XPO6: variants seen among roughly 807,000 people sequenced by gnomAD.
XPO6 encodes exportin-6.
In XPO6, 3 loss-of-function variants were observed where a neutral mutation model predicts 130.0. The ratio of observed to expected loss-of-function variants is 0.02; its 90% CI spans 0.01 to 0.06. The LOEUF is 0.06. Ranked by LOEUF, XPO6 falls within the 10% of genes least tolerant of loss-of-function variation. The pLI is 1.00. For missense variants in XPO6, 970 were observed against 1,393.0 expected, an observed-to-expected ratio of 0.70 and a Z score of 4.83; for synonymous variants, 524 against 548.9, an observed-to-expected ratio of 0.95 and a Z score of 0.63.
intron 1 of XPO6, among the ~76,000 whole-genome samples, chr16:28,203,690 AG>A (rs1345712225): frequency 6.6e-6 from 1 of 152,178 alleles, no homozygotes; most frequent in Non-Finnish European, 1.5e-5. Flanking sequence ...GCCAGGTTAC[AG>A]GCTTCCAAAA....
intron 17 of XPO6, among the ~76,000 whole-genome samples, chr16:28,107,914 G>T (rs2086822449): frequency 6.6e-6 from 1 of 152,138 alleles, no homozygotes; most frequent in Non-Finnish European, 1.5e-5. Flanking sequence ...TTGGGGAGAA[G>T]ATGCCTGCCT....
At chr16:28,158,502 T>C (rs1222344558) in intron 6 of XPO6, among the ~76,000 whole-genome samples, 2 of 152,268 alleles carry the variant, frequency 1.3e-5, no homozygotes, top group African/African-American at 4.8e-5. Context: ...TAAAGCATAT[T>C]ATCTGTTAAT....
intron 1 of XPO6, among the ~76,000 whole-genome samples, chr16:28,185,406 T>C (rs1200679462): frequency 6.6e-6 from 1 of 152,162 alleles, no homozygotes; most frequent in African/African-American, 2.4e-5. Flanking sequence ...AACTTATCTA[T>C]GGTGTTATAA....
chr16:28,149,159 G>A (rs77104514), intron 8 of XPO6, among the ~76,000 whole-genome samples: 3,298 of 151,988 alleles, frequency 0.022, 106 homozygotes, highest in African/African-American at 0.075. Context: ...CAGGAAGAAG[G>A]GGCAAAATGA....
chr16:28,170,103 C>T (rs763734242), intron 4 of XPO6, among the ~76,000 whole-genome samples, 194 bp from the exon 5 acceptor site: 12 of 152,036 alleles, frequency 7.9e-5, no homozygotes, highest in African/African-American at 1.9e-4. Flanking sequence ...GTGGCTGAGA[C>T]GGGCGGATCA....
At chr16:28,102,992 T>A (rs991803997) in intron 21 of XPO6, among the ~76,000 whole-genome samples, 1 of 152,150 alleles carries the variant, frequency 6.6e-6, no homozygotes, top group African/African-American at 2.4e-5. Context: ...TGATGACCAA[T>A]AGTTTCCACT....
At chr16:28,174,081 G>C (rs949501801) in intron 4 of XPO6, among the ~76,000 whole-genome samples, 6 of 152,068 alleles carry the variant, frequency 3.9e-5, no homozygotes, top group Non-Finnish European at 8.8e-5. Context: ...AGAGAGCCTT[G>C]GAGAGGGTTA....
chr16:28,120,487 C>A (rs1276097304), intron 14 of XPO6, among the ~76,000 whole-genome samples: 3 of 151,878 alleles, frequency 2.0e-5, no homozygotes, highest in Non-Finnish European at 4.4e-5. Flanking sequence ...GTTCTAAATA[C>A]CAAAATAAAG....
At chr16:28,107,391 G>A in intron 18 of XPO6, 131 bp downstream of exon 18, 1 of 1,102,648 alleles carries the variant, frequency 9.1e-7, no homozygotes. Flanking sequence ...TTTCCCCTCA[G>A]TACCGGGTTT....
At position 28,166,569 on chromosome 16, in the gene XPO6, G is replaced by C; in HGVS notation, c.582C>G (p.Val194=). 2 of 1,587,864 alleles carry C rather than the reference G, an allele frequency of 1.3e-6. No homozygotes were observed. The highest frequency in any genetic ancestry group is 1.7e-6 in the Non-Finnish European group (2 of 1,165,652). Residue 194 remains valine, a synonymous_variant, in exon 6 of 24, where the codon GTC becomes GTG. Transcript: ENST00000304658. ...CAGCAGTAACACTGTGTTTGTCCCA[G>C]ACAGTCTCCAAGATACCTACCAAGA... ...LGLLTGILET[V]WDKHSVTAAT...
chr16:28,160,521 T>C (rs1177444087), intron 6 of XPO6, among the ~76,000 whole-genome samples: 1 of 111,284 alleles, frequency 9.0e-6, no homozygotes, highest in Non-Finnish European at 1.8e-5. Context: ...AAAAAAAAAA[T>C]CAAGTAAAAC....
chr16:28,197,679 G>T (rs2043886736), intron 1 of XPO6, among the ~76,000 whole-genome samples: 1 of 151,842 alleles, frequency 6.6e-6, no homozygotes, highest in African/African-American at 2.4e-5. Flanking sequence ...CACTTTGCGA[G>T]GCCCGGGCAG....
In XPO6 at chr16:28,182,415, C is replaced by T. The variant is rs560069469; in HGVS notation, c.4-1384G>A. ...AACACACACAAGTGCACTCACTACA[C>T]AGAACACAGGGCCACGTTCCTCCCA... On this transcript the variant is annotated intron_variant, in intron 1 of 23. Coordinates refer to ENST00000304658, the MANE Select transcript of XPO6 (RefSeq NM_015171.4). 2.0e-5 allele frequency among the ~76,000 whole-genome samples: 3 copies of T among 152,298 alleles called. No homozygotes were observed. The South Asian group carries it at 6.2e-4, about 32-fold the overall frequency.
intron 17 of XPO6, among the ~76,000 whole-genome samples, chr16:28,109,545 G>A (rs1006603187): frequency 3.3e-5 from 5 of 152,198 alleles, no homozygotes; most frequent in East Asian, 3.9e-4. Flanking sequence ...GAGGAAATGC[G>A]AACACGAACA....
chr16:28,156,632 G>T lies in XPO6; in HGVS notation c.644-105C>A. 3 of 646,360 alleles carry T rather than the reference G, an allele frequency of 4.6e-6. No homozygotes were observed. In the East Asian group the frequency reaches 9.5e-5, roughly 20 times the overall value. 40.0% of individuals were successfully genotyped at this position (646,360 alleles called of 1,614,324 possible). On this transcript the variant is annotated intron_variant, in intron 6 of 23. Transcript: ENST00000304658. ...TATATATATATATGTATACATATAT[G>T]TATCAGTTTAGTTACCTATGAAATA... is the stretch of plus-strand genomic sequence containing the variant.
intron 1 of XPO6, 105 bp downstream of exon 1, chr16:28,211,261 T>A: frequency 1.6e-6 from 2 of 1,216,258 alleles, no homozygotes; most frequent in Non-Finnish European, 2.1e-6. Flanking sequence ...CGCACGCGCC[T>A]CTCCCCGCCA....
At chr16:28,183,968 AC>A (rs2043656017) in intron 1 of XPO6, among the ~76,000 whole-genome samples, 1 of 152,244 alleles carries the variant, frequency 6.6e-6, no homozygotes, top group Non-Finnish European at 1.5e-5. Flanking sequence ...GTTCAAGGAT[AC>A]TGGAGAATTC....
chr16:28,138,001 C>T (rs932923540), intron 9 of XPO6, among the ~76,000 whole-genome samples: 103 of 152,254 alleles, frequency 6.8e-4, no homozygotes, highest in African/African-American at 2.2e-3. Flanking sequence ...CCAGCAATGA[C>T]TCCCCAACTG....
intron 6 of XPO6, among the ~76,000 whole-genome samples, chr16:28,166,200 C>T (rs1426792327): frequency 6.6e-6 from 1 of 152,158 alleles, no homozygotes; most frequent in Non-Finnish European, 1.5e-5. Flanking sequence ...CCTCCTGCCA[C>T]CCCTACAGAA....
Sources: allele counts gnomAD v4.1 joint callset (sites outside exome capture counted in the v4.1 genomes callset), GRCh38; gene constraint gnomAD v4.1.1; transcripts MANE v1.5; gene names NCBI Gene and HGNC (gene_info 2026-07-23, HGNC 2026-07-21).